TMEM161B: variants seen among roughly 807,000 people sequenced by gnomAD.
TMEM161B encodes the protein transmembrane protein 161B.
TMEM161B carries 34 observed loss-of-function variants against 61.8 expected under a neutral mutation model. The ratio of observed to expected loss-of-function variants is 0.55; its 90% CI spans 0.42 to 0.73. The LOEUF is 0.73. Ranked by LOEUF, TMEM161B falls within the 30% of genes least tolerant of loss-of-function variation. TMEM161B has a pLI of 0.00. For synonymous variants in TMEM161B, 167 were observed against 192.8 expected (o/e 0.87, Z 1.11); for missense variants, 456 against 558.5 (o/e 0.82, Z 1.85).
intron 1 of TMEM161B, chr5:88,250,731 T>C (rs965517232): frequency 3.9e-5 from 6 of 152,310 alleles, no homozygotes; most frequent in African/African-American, 1.2e-4. Context: ...CCGCGTCTCA[T>C]TGGCAGAGAC....
chr5:88,247,142 T>A (rs933465484), intron 1 of TMEM161B, among the ~76,000 whole-genome samples: 1 of 152,060 alleles, frequency 6.6e-6, no homozygotes, highest in African/African-American at 2.4e-5. Context: ...AGAAGAATGA[T>A]CCTTACAATT....
At chr5:88,199,402 G>A (rs1580333469) in intron 9 of TMEM161B, 1 of 311,836 alleles carries the variant, frequency 3.2e-6, no homozygotes, top group East Asian at 5.5e-5. Flanking sequence ...CAATACATGA[G>A]ATCCTTTTCT....
downstream of TMEM161B, among the ~76,000 whole-genome samples, chr5:88,187,406 TTTGTGTTAATTTATATAAC>T (rs1748413156): frequency 1.4e-5 from 2 of 144,508 alleles, no homozygotes; most frequent in African/African-American, 5.8e-5. Flanking sequence ...TTATATAACA[TTTGTGTTAATTTATATAAC>T]ATTTATACAA....
chr5:88,204,096 T>A (rs1744985541), intron 8 of TMEM161B, among the ~76,000 whole-genome samples: 1 of 151,802 alleles, frequency 6.6e-6, no homozygotes, highest in Non-Finnish European at 1.5e-5. Context: ...TCTGTGTGAG[T>A]GAACAGGGCT....
Position 88,201,915 on chromosome 5 carries a change from A to C in TMEM161B, c.914+1047T>G. 3 of 225,766 alleles carry C rather than the reference A, an allele frequency of 1.3e-5. No individual in the cohort carries two copies. In the South Asian group the frequency reaches 1.8e-4, roughly 13 times the overall value. 14.0% of individuals were successfully genotyped at this position (225,766 alleles called of 1,614,324 possible). On this transcript the variant is annotated intron_variant, in intron 9 of 11. Coordinates refer to ENST00000296595, the MANE Select transcript of TMEM161B (RefSeq NM_153354.5). The stretch of plus-strand genomic sequence containing the variant: ...TGATTTTATATATATTCCAAGACAA[A>C]CTGGTACCAGGATCTAAAAGAAGGA...
At chr5:88,253,878 T>C (rs1754653548) in intron 1 of TMEM161B, among the ~76,000 whole-genome samples, 2 of 152,084 alleles carry the variant, frequency 1.3e-5, no homozygotes, top group South Asian at 2.1e-4. Flanking sequence ...TAATTATCTC[T>C]GTAAGTTTCA....
At position 88,196,375 on chromosome 5, in the gene TMEM161B, C is replaced by G; in HGVS notation, c.1300G>C (p.Val434Leu). 1 of 1,613,358 alleles carries G rather than the reference C, an allele frequency of 6.2e-7. No homozygotes were observed. The highest frequency in any genetic ancestry group is 8.5e-7 in the Non-Finnish European group (1 of 1,179,548). Residue 434 changes from valine (V) to leucine (L), a missense_variant, in exon 12 of 12, where the codon GTA (valine) becomes CTA (leucine). Coordinates refer to ENST00000296595, the MANE Select transcript of TMEM161B (RefSeq NM_153354.5). The stretch of plus-strand genomic sequence containing the variant: ...GCCACTGTTATTTGTGTAACAGTTA[C>G]CTTCATTTTCCCTTCAGCTGATGGT... ...ELPSAEGKMK[V>L]TVTQITVALS...
intron 1 of TMEM161B, among the ~76,000 whole-genome samples, chr5:88,267,515 A>C (rs1051697629): frequency 6.6e-6 from 1 of 152,188 alleles, no homozygotes; most frequent in African/African-American, 2.4e-5. Flanking sequence ...AAAATATAAG[A>C]CAAACTGAAG....
In TMEM161B at chr5:88,213,025, G is replaced by C. The variant is rs1377433689; in HGVS notation, c.447-5845C>G. On this transcript the variant is annotated intron_variant, in intron 5 of 11. Coordinates refer to ENST00000296595, the MANE Select transcript of TMEM161B (RefSeq NM_153354.5). ...TATATAAACTGAGTTTTTCTATTCT[G>C]TGAAAAAAGATTCTATTGTTTTTCT... is the stretch of plus-strand genomic sequence containing the variant. Among the ~76,000 whole-genome samples the C allele has an allele frequency of 2.6e-5, 4 of 152,078 alleles. No homozygotes were observed. The East Asian group carries it at 5.8e-4, about 22-fold the overall frequency.
rs1561293462 is a variant in TMEM161B, at chr5:88,196,108, T to G, written c.*103A>C. On this transcript the variant is annotated 3_prime_UTR_variant, in exon 12 of 12. Coordinates refer to ENST00000296595, the MANE Select transcript of TMEM161B (RefSeq NM_153354.5). ...ACAAGACATTCTGATATGTTTTTTTTTTCCCATTGTATTTGCTTTCTTCTG... is the reference window on the plus strand; with the variant it reads ...ACAAGACATTCTGATATGTTTTTTTGTTCCCATTGTATTTGCTTTCTTCTG... 6.8e-7 allele frequency: 1 copy of G among 1,466,062 alleles called. No individual in the cohort carries two copies. Among genetic ancestry groups the G allele is most frequent in the Non-Finnish European group, 9.0e-7 (1 of 1,111,244 alleles). The allele number at this position is 1,466,062 out of a possible 1,614,324, so 90.8% of individuals were successfully genotyped here. A position where few individuals can be genotyped will look rare whatever the true frequency, so the allele number is the denominator to read the frequency against.
At chr5:88,253,298 C>T (rs894961975) in intron 1 of TMEM161B, among the ~76,000 whole-genome samples, 3 of 152,126 alleles carry the variant, frequency 2.0e-5, no homozygotes, top group African/African-American at 7.2e-5. Flanking sequence ...GTTAATCACT[C>T]CTCACTGCCA....
At chr5:88,230,644 T>C (rs1750836603) in intron 2 of TMEM161B, among the ~76,000 whole-genome samples, 1 of 152,176 alleles carries the variant, frequency 6.6e-6, no homozygotes, top group African/African-American at 2.4e-5. Context: ...CATCCCTTGG[T>C]GCTTTTTGCA....
At chr5:88,217,345 G>C (rs1748052588) in intron 5 of TMEM161B, among the ~76,000 whole-genome samples, 2 of 152,116 alleles carry the variant, frequency 1.3e-5, no homozygotes, top group Non-Finnish European at 2.9e-5. Flanking sequence ...AAAGGAATCT[G>C]GCTTTAAGGA....
intron 8 of TMEM161B, among the ~76,000 whole-genome samples, chr5:88,204,514 AG>A (rs1370469025): frequency 8.5e-5 from 13 of 152,268 alleles, no homozygotes; most frequent in African/African-American, 2.9e-4. Context: ...TTAGGTATGC[AG>A]TGTTGCTAGG....
intron 5 of TMEM161B, among the ~76,000 whole-genome samples, chr5:88,210,775 T>C (rs1262234122): frequency 6.6e-6 from 1 of 152,194 alleles, no homozygotes; most frequent in Non-Finnish European, 1.5e-5. Context: ...AAAATAAAGC[T>C]GGTTTTAGTA....
intron 4 of TMEM161B, among the ~76,000 whole-genome samples, chr5:88,222,089 T>C (rs1209100646): frequency 1.3e-5 from 2 of 152,184 alleles, no homozygotes; most frequent in Non-Finnish European, 2.9e-5. Context: ...GTACTTTAAC[T>C]TTTAGGTTAA....
At chr5:88,220,783 A>G in intron 4 of TMEM161B, 64 bp from the exon 5 acceptor site, 1 of 1,481,754 alleles carries the variant, frequency 6.7e-7, no homozygotes, top group Non-Finnish European at 8.9e-7. Context: ...TTACATTTTC[A>G]TAAATAACTT....
In TMEM161B at chr5:88,199,108, T is replaced by C. The variant is rs149845262; in HGVS notation, c.957A>G (p.Ile319Met). The C allele has an allele frequency of 6.2e-7, 1 of 1,612,746 alleles. No homozygotes were observed. The highest frequency in any genetic ancestry group is 2.2e-5 in the East Asian group (1 of 44,856). Reference sequence around the variant, plus strand: ...CCAACCGCAAAGCACACAGCAGGATTATTAACCAGAGTCGCAGAGTATCGA... The same window carrying C: ...CCAACCGCAAAGCACACAGCAGGATCATTAACCAGAGTCGCAGAGTATCGA... Reference protein sequence around the residue: ...ATFDTLRLWLIILLCALRLAM... With the variant: ...ATFDTLRLWLMILLCALRLAM... The change falls in exon 10 of 12, where the codon ATA becomes ATG. Residue 319 changes from isoleucine (I) to methionine (M), a missense_variant. Physicochemically the swap from Ile to Met is conservative, Grantham distance 10. Coordinates refer to ENST00000296595, the MANE Select transcript of TMEM161B (RefSeq NM_153354.5).
At chr5:88,202,679 T>C in intron 9 of TMEM161B, 1 of 361,418 alleles carries the variant, frequency 2.8e-6, no homozygotes, top group Non-Finnish European at 5.0e-6. Context: ...ATAGCCACAA[T>C]GACAACAGAA....
Sources: gnomAD v4.1 joint callset for allele counts (sites outside exome capture counted in the v4.1 genomes callset) on GRCh38, gnomAD v4.1.1 for gene constraint, MANE v1.5 for transcripts, NCBI Gene and HGNC (gene_info 2026-07-23, HGNC 2026-07-21) for gene names.